SLC26A7: variants seen among roughly 807,000 people sequenced by gnomAD.
The protein encoded by SLC26A7 is solute carrier family 26 member 7, also known as anion exchange transporter.
A neutral mutation model predicts 82.5 loss-of-function variants in SLC26A7; 59 were observed. The ratio of observed to expected loss-of-function variants is 0.72; its 90% CI spans 0.58 to 0.89. The LOEUF is 0.89. Ranked by LOEUF, SLC26A7 falls within the 40% of genes least tolerant of loss-of-function variation. The pLI is 0.00. For missense variants in SLC26A7, 820 were observed against 793.0 expected, an observed-to-expected ratio of 1.03 and a Z score of -0.41; for synonymous variants, 271 against 274.3, an observed-to-expected ratio of 0.99 and a Z score of 0.12.
chr8:91,226,548 C>T (rs537688886), intron 2 of SLC26A7, among the ~76,000 whole-genome samples: 1 of 152,286 alleles, frequency 6.6e-6, no homozygotes, highest in Admixed American at 6.5e-5. Flanking sequence ...GTTCTTTTCC[C>T]ATTTATTCAC....
chr8:91,343,533 A>G, intron 9 of SLC26A7, 67 bp downstream of exon 9: 1 of 1,065,566 alleles, frequency 9.4e-7, no homozygotes, highest in African/African-American at 1.6e-5. Context: ...GAGAGTGGGA[A>G]GAGCTAGCTT....
At chr8:91,307,628 A>G (rs1171968739) in intron 4 of SLC26A7, among the ~76,000 whole-genome samples, 4 of 127,260 alleles carry the variant, frequency 3.1e-5, no homozygotes, top group Middle Eastern at 3.8e-3. Flanking sequence ...GAAGGGGAAC[A>G]TCACACTCTG....
At chr8:91,214,136 G>T (rs1433409353) in intron 1 of SLC26A7, among the ~76,000 whole-genome samples, 4 of 152,070 alleles carry the variant, frequency 2.6e-5, no homozygotes, top group African/African-American at 9.7e-5. Context: ...TCCTACTGTG[G>T]GTGTAAGGTG....
At chr8:91,371,321 T>A (rs2130881936) in intron 15 of SLC26A7, among the ~76,000 whole-genome samples, 1 of 151,928 alleles carries the variant, frequency 6.6e-6, no homozygotes, top group Non-Finnish European at 1.5e-5. Context: ...AGGGGAGACG[T>A]GCAGGATGAT....
intron 15 of SLC26A7, among the ~76,000 whole-genome samples, chr8:91,384,769 AGGAAGGAAG>A (rs145913424): frequency 0.073 from 7,680 of 105,408 alleles, 270 homozygotes; most frequent in African/African-American, 0.23. Flanking sequence ...GCTGGGAGGA[AGGAAGGAAG>A]GAAGGAAGGA....
intron 15 of SLC26A7, among the ~76,000 whole-genome samples, chr8:91,371,731 T>C (rs55872731): frequency 0.029 from 4,436 of 152,090 alleles, 65 homozygotes; most frequent in Non-Finnish European, 0.035. Flanking sequence ...TTCTTTTCCT[T>C]TGGGTAGATA....
chr8:91,334,072 G>A (rs760902462), intron 5 of SLC26A7, among the ~76,000 whole-genome samples: 19 of 152,136 alleles, frequency 1.2e-4, no homozygotes, highest in Admixed American at 4.6e-4. Flanking sequence ...ATGTAGGAAG[G>A]TGCAAAACCT....
Position 91,394,090 on chromosome 8 carries a change from G to A in SLC26A7, c.1935+51G>A, listed in dbSNP as rs370576096. 6.0e-5 allele frequency: 96 copies of A among 1,591,342 alleles called. No homozygotes were observed. In the African/African-American group the frequency reaches 1.2e-3, roughly 21 times the overall value. On this transcript the variant is annotated intron_variant, in intron 18 of 18. Coordinates refer to ENST00000276609, the MANE Select transcript of SLC26A7 (RefSeq NM_052832.4). Reference sequence around the variant, plus strand: ...GAGTTATAAGAATATTCAGAATATAGAATCGAAGCTTTGCATCTTTTATAT... The same window carrying A: ...GAGTTATAAGAATATTCAGAATATAAAATCGAAGCTTTGCATCTTTTATAT...
chr8:91,309,802 T>C (rs1458909268), intron 4 of SLC26A7, among the ~76,000 whole-genome samples: 1 of 151,568 alleles, frequency 6.6e-6, no homozygotes, highest in Non-Finnish European at 1.5e-5. Context: ...TCTCCCCTGA[T>C]TTTTCCCTTG....
chr8:91,389,286 A>G, intron 15 of SLC26A7, 52 bp from the exon 16 acceptor site: 1 of 1,325,688 alleles, frequency 7.5e-7, no homozygotes, highest in East Asian at 2.3e-5. Context: ...CAAAGCCAGC[A>G]GCAGAAGTCT....
chr8:91,236,322 AGG>A (rs1419235753), intron 2 of SLC26A7, among the ~76,000 whole-genome samples: 1 of 152,148 alleles, frequency 6.6e-6, no homozygotes, highest in Non-Finnish European at 1.5e-5. Flanking sequence ...CAAAGTTTTC[AGG>A]GAATAATAGA....
chr8:91,258,175 A>G (rs749968238), intron 2 of SLC26A7, among the ~76,000 whole-genome samples: 2 of 152,090 alleles, frequency 1.3e-5, no homozygotes, highest in African/African-American at 2.4e-5. Context: ...TCACCCAGGT[A>G]TTAAGCTAAT....
chr8:91,366,462 T>C, intron 13 of SLC26A7, 118 bp from the exon 14 acceptor site: 1 of 1,104,008 alleles, frequency 9.1e-7, no homozygotes, highest in Admixed American at 2.7e-5. Context: ...AAATACATTT[T>C]AGTAATAAAA....
At chr8:91,247,577 T>C (rs1237039806), upstream of SLC26A7, among the ~76,000 whole-genome samples, 1 of 152,184 alleles carries the variant, frequency 6.6e-6, no homozygotes, top group African/African-American at 2.4e-5. Context: ...TTAGGAAAGA[T>C]TCATTCTAAT....
At chr8:91,336,005 G>A (rs1219682282) in intron 6 of SLC26A7, among the ~76,000 whole-genome samples, 2 of 152,050 alleles carry the variant, frequency 1.3e-5, no homozygotes, top group Non-Finnish European at 1.5e-5. Context: ...CAAACACATC[G>A]CCACTCCATC....
At chr8:91,387,295 T>C (rs1814826970) in intron 15 of SLC26A7, among the ~76,000 whole-genome samples, 1 of 152,232 alleles carries the variant, frequency 6.6e-6, no homozygotes, top group Admixed American at 6.5e-5. Context: ...ATAAATCTTA[T>C]GTTTAATTAG....
At chr8:91,357,806 A>T (rs989880186) in intron 11 of SLC26A7, among the ~76,000 whole-genome samples, 2 of 152,212 alleles carry the variant, frequency 1.3e-5, no homozygotes, top group African/African-American at 4.8e-5. Flanking sequence ...AGAAACTACC[A>T]TCAGAGTGAA....
At chr8:91,264,266 A>G (rs1390786221) in intron 2 of SLC26A7, among the ~76,000 whole-genome samples, 1 of 152,116 alleles carries the variant, frequency 6.6e-6, no homozygotes, top group East Asian at 1.9e-4. Context: ...AACAAGCTCA[A>G]GCAAACTAAT....
intron 7 of SLC26A7, 30 bp downstream of exon 7, chr8:91,338,262 T>C (rs1445983130): frequency 1.3e-6 from 2 of 1,501,830 alleles, no homozygotes; most frequent in Admixed American, 3.9e-5. Flanking sequence ...AAACATATTA[T>C]TTGTTTGTTT....
Sources: allele counts gnomAD v4.1 joint callset (sites outside exome capture counted in the v4.1 genomes callset), GRCh38; gene constraint gnomAD v4.1.1; transcripts MANE v1.5; gene names NCBI Gene and HGNC (gene_info 2026-07-23, HGNC 2026-07-21).